GALNTL6: variants seen among roughly 807,000 people sequenced by gnomAD.
GALNTL6 encodes the protein polypeptide N-acetylgalactosaminyltransferase-like 6.
A neutral mutation model predicts 73.7 loss-of-function variants in GALNTL6; 46 were observed. That is an observed-to-expected ratio of 0.62 (90% CI 0.49 to 0.80). GALNTL6 has a LOEUF of 0.80. Among genes scored for constraint, GALNTL6 ranks in the 30% least tolerant of loss-of-function variants. The pLI is 0.00. For synonymous variants in GALNTL6, 259 were observed against 263.7 expected (o/e 0.98, Z 0.17); for missense variants, 604 against 755.0 (o/e 0.80, Z 2.34).
intron 8 of GALNTL6, among the ~76,000 whole-genome samples, chr4:172,896,883 G>C (rs1335623653): frequency 6.6e-6 from 1 of 151,996 alleles, no homozygotes. Context: ...GCCTCCTAGA[G>C]ATCTGCTGTG....
intron 5 of GALNTL6, among the ~76,000 whole-genome samples, chr4:172,536,124 G>T (rs929083833): frequency 9.9e-5 from 15 of 152,150 alleles, no homozygotes; most frequent in African/African-American, 3.6e-4. Flanking sequence ...GACATGTCTT[G>T]TTCCTTTTCA....
intron 5 of GALNTL6, among the ~76,000 whole-genome samples, chr4:172,444,877 C>T (rs1731965935): frequency 6.6e-6 from 1 of 152,030 alleles, no homozygotes; most frequent in African/African-American, 2.4e-5. Context: ...AGTAAGGACA[C>T]CAATTATCCA....
chr4:172,645,304 T>G (rs537563640), intron 5 of GALNTL6, among the ~76,000 whole-genome samples: 13 of 152,180 alleles, frequency 8.5e-5, no homozygotes, highest in African/African-American at 1.4e-4. Context: ...TCTTATAATT[T>G]CATCAAGAAG....
At chr4:172,069,622 A>G (rs1363618227) in intron 2 of GALNTL6, among the ~76,000 whole-genome samples, 1 of 75,908 alleles carries the variant, frequency 1.3e-5, no homozygotes, top group African/African-American at 6.8e-5. Flanking sequence ...TATATAACAT[A>G]TATATATATC....
In GALNTL6 at chr4:172,389,078, G is replaced by A. The variant is rs559057681; in HGVS notation, c.553+40389G>A. Reference sequence around the variant, plus strand: ...GCTATATGATTATATTAGACAAGACGTAATTTCAGGAACTATGACCTACAT... The same window carrying A: ...GCTATATGATTATATTAGACAAGACATAATTTCAGGAACTATGACCTACAT... On this transcript the variant is annotated intron_variant, in intron 5 of 12. Transcript: ENST00000506823. 6.6e-5 allele frequency among the ~76,000 whole-genome samples: 10 copies of A among 151,982 alleles called. No individual in the cohort carries two copies. In the East Asian group the frequency reaches 7.7e-4, roughly 12 times the overall value.
intron 5 of GALNTL6, among the ~76,000 whole-genome samples, chr4:172,613,890 T>G (rs1024315287): frequency 6.6e-6 from 1 of 152,124 alleles, no homozygotes; most frequent in African/African-American, 2.4e-5. Flanking sequence ...AGAGTTTATT[T>G]TCAACTAAGC....
chr4:172,478,071 A>T (rs938566999), intron 5 of GALNTL6, among the ~76,000 whole-genome samples: 28 of 152,274 alleles, frequency 1.8e-4, no homozygotes, highest in African/African-American at 6.5e-4. Flanking sequence ...TGCCCTTAGA[A>T]TCAGCTTTTC....
intron 2 of GALNTL6, among the ~76,000 whole-genome samples, chr4:172,212,196 C>G (rs1411300418): frequency 6.6e-6 from 1 of 151,946 alleles, no homozygotes; most frequent in Non-Finnish European, 1.5e-5. Flanking sequence ...AAGACTCTCT[C>G]TGTCACCCAG....
chr4:172,863,239 G>A (rs968516035), intron 7 of GALNTL6, among the ~76,000 whole-genome samples: 1 of 152,198 alleles, frequency 6.6e-6, no homozygotes, highest in African/African-American at 2.4e-5. Context: ...CCCCACTGGG[G>A]CACTACCTAG....
chr4:172,224,110 T>C (rs1736774506), intron 2 of GALNTL6, among the ~76,000 whole-genome samples: 1 of 152,166 alleles, frequency 6.6e-6, no homozygotes, highest in Non-Finnish European at 1.5e-5. Context: ...AACTCAACTA[T>C]CTATAAAAAT....
At chr4:172,562,792 A>C (rs1736422711) in intron 5 of GALNTL6, among the ~76,000 whole-genome samples, 1 of 152,222 alleles carries the variant, frequency 6.6e-6, no homozygotes, top group Non-Finnish European at 1.5e-5. Flanking sequence ...CAAAATTTAG[A>C]GTAAATCACA....
rs4640646 is a variant in GALNTL6 at position 172,801,873 on chromosome 4, T to C, written c.554-7488T>C. On this transcript the variant is annotated intron_variant, in intron 5 of 12. Transcript: ENST00000506823. ...AGACAGCAAGACCAACTCCTCTTCTTCTTCCTTCTCCTCAGCCTACCCAAC... is the reference window on the plus strand; with the variant it reads ...AGACAGCAAGACCAACTCCTCTTCTCCTTCCTTCTCCTCAGCCTACCCAAC... 4.3e-3 allele frequency among the ~76,000 whole-genome samples: 652 copies of C among 152,276 alleles called. 5 individuals carry two copies. The highest frequency in any genetic ancestry group is 0.015 in the African/African-American group (626 of 41,556).
At chr4:172,515,188 C>G (rs1734559963) in intron 5 of GALNTL6, among the ~76,000 whole-genome samples, 1 of 152,176 alleles carries the variant, frequency 6.6e-6, no homozygotes, top group Non-Finnish European at 1.5e-5. Flanking sequence ...TTTGTTTGTA[C>G]TGATGGAGAA....
chr4:171,886,557 G>A (rs537180898), intron 2 of GALNTL6, among the ~76,000 whole-genome samples: 3 of 152,278 alleles, frequency 2.0e-5, no homozygotes, highest in Admixed American at 6.5e-5. Context: ...GCATACCTGA[G>A]ACTGGGCAAT....
intron 8 of GALNTL6, among the ~76,000 whole-genome samples, chr4:172,889,949 C>T (rs1431672496): frequency 6.6e-6 from 1 of 152,092 alleles, no homozygotes; most frequent in Non-Finnish European, 1.5e-5. Context: ...TTCGTCTATT[C>T]AGTATCTCAA....
chr4:172,160,909 C>T (rs551927417), intron 2 of GALNTL6, among the ~76,000 whole-genome samples: 3 of 52,558 alleles, frequency 5.7e-5, no homozygotes, highest in African/African-American at 2.0e-4. Context: ...CACACACACA[C>T]ATACACACAC....
intron 2 of GALNTL6, among the ~76,000 whole-genome samples, chr4:171,868,744 T>C (rs1046834823): frequency 4.6e-5 from 7 of 152,078 alleles, no homozygotes; most frequent in Non-Finnish European, 1.0e-4. Context: ...TGCAGTGGTG[T>C]GATCTTGGCC....
chr4:172,499,005 G>GCCAT (rs1370550329), intron 5 of GALNTL6, among the ~76,000 whole-genome samples: 4 of 152,142 alleles, frequency 2.6e-5, no homozygotes, highest in African/African-American at 9.7e-5. Flanking sequence ...ACTTGATGAA[G>GCCAT]CCATGCAAGG....
At chr4:172,608,599 C>T (rs1222002434) in intron 5 of GALNTL6, among the ~76,000 whole-genome samples, 1 of 151,718 alleles carries the variant, frequency 6.6e-6, no homozygotes. Context: ...ATTAAGATTG[C>T]TTTGGCTATT....
Sources: gnomAD v4.1 joint callset for allele counts (sites outside exome capture counted in the v4.1 genomes callset) on GRCh38, gnomAD v4.1.1 for gene constraint, MANE v1.5 for transcripts, NCBI Gene and HGNC (gene_info 2026-07-23, HGNC 2026-07-21) for gene names.